Variants in ANXA8 observed in about 807,000 individuals in gnomAD.
The protein encoded by ANXA8 is annexin A8, also known as VAC-beta.
ANXA8 carries 9 observed loss-of-function variants against 26.8 expected under a neutral mutation model. The observed-to-expected ratio is 0.34, with a 90% CI of 0.20 to 0.59. The LOEUF is 0.59. ANXA8 is among the 20% of genes least tolerant of loss of function. The pLI is 0.84. For missense variants in ANXA8, 83 were observed against 238.5 expected (o/e 0.35, Z 4.29); for synonymous variants, 39 against 94.8 (o/e 0.41, Z 3.42).
At chr10:47,956,725 A>G in the ANXA8 span, among the ~76,000 whole-genome samples, 138 of 150,532 alleles carry the variant, frequency 9.2e-4, 5 homozygotes, top group African/African-American at 3.2e-3. Context: ...TAGGGCTTCA[A>G]TGAGCCCTGT....
the ANXA8 span, among the ~76,000 whole-genome samples, chr10:47,973,837 G>A: frequency 1.3e-5 from 2 of 151,126 alleles, no homozygotes; most frequent in Non-Finnish European, 3.0e-5. Flanking sequence ...TAATCAGTAG[G>A]ATTGGTACCA....
the ANXA8 span, among the ~76,000 whole-genome samples, chr10:47,607,346 C>T: frequency 4.2e-5 from 6 of 141,708 alleles, no homozygotes; most frequent in Non-Finnish European, 9.2e-5. Context: ...ATTCAAATGT[C>T]TGCAATGATT....
the ANXA8 span, among the ~76,000 whole-genome samples, chr10:47,958,768 G>T: frequency 6.7e-6 from 1 of 148,382 alleles, no homozygotes; most frequent in Non-Finnish European, 1.5e-5. Flanking sequence ...TTCTTCACAG[G>T]GCAGCAGGAG....
the ANXA8 span, among the ~76,000 whole-genome samples, chr10:47,622,565 C>T: frequency 0.6 from 48,343 of 80,960 alleles, 16,860 homozygotes; most frequent in African/African-American, 0.81. Flanking sequence ...AATTTACTTA[C>T]CTATTGTTTC....
chr10:47,743,329 C>CATATATATACATATATATATACACAT, the ANXA8 span, among the ~76,000 whole-genome samples: 1 of 47,788 alleles, frequency 2.1e-5, no homozygotes, highest in African/African-American at 7.1e-5. Flanking sequence ...TATATATATA[C>CATATATATACATATATATATACACAT]ATATATATAT....
the ANXA8 span, among the ~76,000 whole-genome samples, chr10:47,515,975 C>G: frequency 7.6e-6 from 1 of 131,456 alleles, no homozygotes; most frequent in Non-Finnish European, 1.6e-5. Flanking sequence ...TTGATAGGAC[C>G]AGTCAAAATC....
chr10:47,669,687 C>T, the ANXA8 span, among the ~76,000 whole-genome samples: 1 of 151,626 alleles, frequency 6.6e-6, no homozygotes, highest in South Asian at 2.1e-4. Flanking sequence ...TGTACTCCAT[C>T]CTGGGTGACA....
At chr10:47,653,318 A>T in the ANXA8 span, among the ~76,000 whole-genome samples, 2 of 150,046 alleles carry the variant, frequency 1.3e-5, no homozygotes, top group African/African-American at 5.1e-5. Context: ...TCTCAAAAAA[A>T]CAAAAACAAA....
chr10:47,690,474 A>C, the ANXA8 span: 1 of 994,930 alleles, frequency 1.0e-6, no homozygotes, highest in Non-Finnish European at 1.5e-6. Context: ...TTTTAGCTCA[A>C]AAGAAAGATA....
At chr10:47,733,163 T>TTCTTTCTTTCTTTCTTTCTCTCTCTC in the ANXA8 span, among the ~76,000 whole-genome samples, 9 of 97,946 alleles carry the variant, frequency 9.2e-5, no homozygotes, top group South Asian at 4.1e-4. Flanking sequence ...CTTTCTTTCT[T>TTCTTTCTTTCTTTCTTTCTCTCTCTC]TCTTTCTTTC....
chr10:47,982,700 A>C, the ANXA8 span, among the ~76,000 whole-genome samples: 1 of 147,558 alleles, frequency 6.8e-6, no homozygotes, highest in African/African-American at 2.5e-5. Flanking sequence ...ACAAAAAAAA[A>C]TAAGCGGGGC....
the ANXA8 span, among the ~76,000 whole-genome samples, chr10:47,633,890 T>C: frequency 6.9e-6 from 1 of 143,928 alleles, no homozygotes; most frequent in Middle Eastern, 3.4e-3. Flanking sequence ...AGCAAGGCAC[T>C]GAAAATGCCT....
the ANXA8 span, chr10:47,565,871 C>G: frequency 4.5e-6 from 6 of 1,331,456 alleles, no homozygotes; most frequent in Middle Eastern, 5.4e-4. Context: ...GTCAGACGAG[C>G]TGGCCCCGGA....
At chr10:47,687,007 G>A in the ANXA8 span, among the ~76,000 whole-genome samples, 2 of 151,566 alleles carry the variant, frequency 1.3e-5, no homozygotes, top group Non-Finnish European at 1.5e-5. Context: ...GGGAGGCTGT[G>A]GCTGGATGAC....
At chr10:47,689,266 G>A in the ANXA8 span, among the ~76,000 whole-genome samples, 11 of 151,448 alleles carry the variant, frequency 7.3e-5, no homozygotes, top group African/African-American at 1.9e-4. Context: ...TGCAACCTCC[G>A]CCTCCTGGGT....
chr10:47,937,484 G>A, the ANXA8 span, among the ~76,000 whole-genome samples: 2 of 145,412 alleles, frequency 1.4e-5, no homozygotes, highest in African/African-American at 5.0e-5. Flanking sequence ...TTTTATTTTA[G>A]GTTTCAGGGT....
the ANXA8 span, chr10:47,761,545 G>T: frequency 9.1e-7 from 1 of 1,099,300 alleles, no homozygotes; most frequent in Non-Finnish European, 1.3e-6. Flanking sequence ...CCTCATAGGT[G>T]AGGGTGGCAC....
At chr10:47,909,800 T>TGG in the ANXA8 span, among the ~76,000 whole-genome samples, 2 of 146,368 alleles carry the variant, frequency 1.4e-5, no homozygotes, top group Admixed American at 1.4e-4. Context: ...TAAGATTCTG[T>TGG]GGCTCTTTTT....
the ANXA8 span, among the ~76,000 whole-genome samples, chr10:47,672,639 G>A: frequency 6.6e-6 from 1 of 152,018 alleles, no homozygotes; most frequent in Admixed American, 6.5e-5. Context: ...AGATGGAAAT[G>A]AGGACAATGG....
Sources: gnomAD v4.1 joint callset for allele counts (sites outside exome capture counted in the v4.1 genomes callset) on GRCh38, gnomAD v4.1.1 for gene constraint, MANE v1.5 for transcripts, NCBI Gene and HGNC (gene_info 2026-07-23, HGNC 2026-07-21) for gene names.